The following RBFOX1 variants were observed in gnomAD, a reference collection of about 807,000 sequenced individuals.
RBFOX1 encodes RNA binding protein fox-1 homolog 1.
Under a neutral mutation model 57.7 loss-of-function variants are expected in RBFOX1, and 8 were observed. The ratio of observed to expected loss-of-function variants is 0.14; its 90% CI spans 0.08 to 0.25. The LOEUF (loss-of-function observed/expected upper bound fraction) is 0.25. Ranked by LOEUF, RBFOX1 falls within the 10% of genes least tolerant of loss-of-function variation. RBFOX1 has a pLI of 1.00. For missense variants in RBFOX1, 611 were observed against 548.5 expected (o/e 1.11, Z -1.14); for synonymous variants, 326 against 222.4 (o/e 1.47, Z -4.15).
intron 3 of RBFOX1, among the ~76,000 whole-genome samples, chr16:6,786,231 A>C (rs2081938125): frequency 6.6e-6 from 1 of 152,160 alleles, no homozygotes; most frequent in Admixed American, 6.5e-5. Flanking sequence ...GAGGGTCAGA[A>C]CTGGACCCTC....
chr16:6,612,045 C>T (rs972789724), intron 2 of RBFOX1, among the ~76,000 whole-genome samples: 1 of 152,124 alleles, frequency 6.6e-6, no homozygotes, highest in African/African-American at 2.4e-5. Flanking sequence ...CGGAATAGTT[C>T]CTGTTTCTTG....
intron 5 of RBFOX1, among the ~76,000 whole-genome samples, chr16:7,559,284 T>C (rs1281892616): frequency 6.6e-6 from 1 of 151,834 alleles, no homozygotes; most frequent in Non-Finnish European, 1.5e-5. Context: ...ATGATTGTAT[T>C]ACGTTATATA....
intron 3 of RBFOX1, among the ~76,000 whole-genome samples, chr16:5,846,747 C>A (rs1205209230): frequency 6.6e-6 from 1 of 152,212 alleles, no homozygotes; most frequent in African/African-American, 2.4e-5. Context: ...CTCCACTTCA[C>A]AGTCTTTGCA....
intron 9 of RBFOX1, 41 bp downstream of exon 9, chr16:7,597,472 T>C: frequency 1.3e-6 from 2 of 1,491,242 alleles, no homozygotes; most frequent in Non-Finnish European, 1.9e-6. Flanking sequence ...TCTCTCTACT[T>C]CTGACTCTTT....
intron 2 of RBFOX1, among the ~76,000 whole-genome samples, chr16:6,459,934 A>C (rs926027657): frequency 4.8e-5 from 6 of 126,092 alleles, no homozygotes; most frequent in African/African-American, 1.8e-4. Flanking sequence ...TGGTGAGCTG[A>C]GATAGTGCCA....
At chr16:5,625,197 C>A (rs4786740) in intron 3 of RBFOX1, among the ~76,000 whole-genome samples, 45,102 of 151,824 alleles carry the variant, frequency 0.3, 8,786 homozygotes, top group Non-Finnish European at 0.45. Context: ...AGATGAGCCC[C>A]CCAGAACAGG....
At chr16:7,518,045 A>G in intron 4 of RBFOX1, 102 bp from the exon 5 acceptor site, 3 of 1,435,782 alleles carry the variant, frequency 2.1e-6, no homozygotes, top group African/African-American at 1.4e-5. Context: ...TGACCCCTAG[A>G]AAGTACGCGG....
chr16:7,507,884 A>G (rs1305778968), intron 4 of RBFOX1, among the ~76,000 whole-genome samples: 4 of 149,550 alleles, frequency 2.7e-5, no homozygotes, highest in African/African-American at 4.9e-5. Flanking sequence ...TTTTTAAAAG[A>G]ATACATAAGG....
intron 3 of RBFOX1, among the ~76,000 whole-genome samples, chr16:6,794,662 C>G (rs1486402343): frequency 6.6e-6 from 1 of 152,106 alleles, no homozygotes; most frequent in African/African-American, 2.4e-5. Flanking sequence ...AAACCCTTCC[C>G]CCCATCACTT....
chr16:6,084,547 T>A (rs990078077), intron 1 of RBFOX1, among the ~76,000 whole-genome samples: 12 of 152,162 alleles, frequency 7.9e-5, no homozygotes, highest in African/African-American at 2.9e-4. Context: ...CCTGGCCCCT[T>A]CCTCATTCTT....
intron 2 of RBFOX1, among the ~76,000 whole-genome samples, chr16:6,370,408 G>T (rs2090260379): frequency 7.1e-6 from 1 of 141,074 alleles, no homozygotes; most frequent in African/African-American, 2.6e-5. Flanking sequence ...ACCCTGGACT[G>T]CCCATTGCCG....
At chr16:7,503,020 C>G (rs1280894288) in intron 4 of RBFOX1, among the ~76,000 whole-genome samples, 1 of 151,946 alleles carries the variant, frequency 6.6e-6, no homozygotes, top group African/African-American at 2.4e-5. Flanking sequence ...AAGACTCTGT[C>G]TCAAAAAAAA....
chr16:6,750,625 A>G (rs560962370), intron 3 of RBFOX1, among the ~76,000 whole-genome samples: 1 of 152,350 alleles, frequency 6.6e-6, no homozygotes, highest in South Asian at 2.1e-4. Flanking sequence ...AGAAACATTG[A>G]GACCCAAGTT....
At chr16:5,401,371 C>A (rs369826857) in intron 1 of RBFOX1, among the ~76,000 whole-genome samples, 2 of 152,078 alleles carry the variant, frequency 1.3e-5, no homozygotes, top group Non-Finnish European at 2.9e-5. Flanking sequence ...GATCAATGTT[C>A]CTGTTTATGC....
intron 3 of RBFOX1, among the ~76,000 whole-genome samples, chr16:6,661,957 C>T (rs143314647): frequency 3.3e-5 from 5 of 152,022 alleles, no homozygotes; most frequent in East Asian, 3.9e-4. Context: ...GCCATTGAAA[C>T]GAAGGGAAAT....
At chr16:5,576,775 A>G (rs1173854385) in intron 2 of RBFOX1, among the ~76,000 whole-genome samples, 1 of 152,198 alleles carries the variant, frequency 6.6e-6, no homozygotes, top group Non-Finnish European at 1.5e-5. Flanking sequence ...CCTGTTCCTG[A>G]AGGAAAAGTT....
intron 3 of RBFOX1, among the ~76,000 whole-genome samples, chr16:5,650,592 T>G (rs2049203233): frequency 6.6e-6 from 1 of 152,196 alleles, no homozygotes; most frequent in Non-Finnish European, 1.5e-5. Flanking sequence ...GGAAATGATT[T>G]TTAAGCAAAA....
At position 6,818,304 on chromosome 16, in the gene RBFOX1, C is replaced by G. The variant is rs1046725391; in HGVS notation, c.-16+163654C>G. 2.6e-5 allele frequency among the ~76,000 whole-genome samples: 4 copies of G among 152,088 alleles called. No homozygotes were observed. In the South Asian group the frequency reaches 6.2e-4, roughly 24 times the overall value. Reference sequence around the variant, plus strand: ...TCACCTGTGTGTGCGTCTTTCATTACTATGAGAATCATGGTTTCTAAATGG... The same window carrying G: ...TCACCTGTGTGTGCGTCTTTCATTAGTATGAGAATCATGGTTTCTAAATGG... On this transcript the variant is annotated intron_variant, in intron 3 of 15. Coordinates refer to ENST00000550418, the MANE Select transcript of RBFOX1 (RefSeq NM_018723.4).
At chr16:5,965,774 T>C (rs2059830979) in intron 4 of RBFOX1, among the ~76,000 whole-genome samples, 1 of 152,216 alleles carries the variant, frequency 6.6e-6, no homozygotes, top group Non-Finnish European at 1.5e-5. Context: ...GTAGCCGTTC[T>C]GAGTGTGGTG....
Sources: gnomAD v4.1 joint callset for allele counts (sites outside exome capture counted in the v4.1 genomes callset) on GRCh38, gnomAD v4.1.1 for gene constraint, MANE v1.5 for transcripts, NCBI Gene and HGNC (gene_info 2026-07-23, HGNC 2026-07-21) for gene names.